VWA3A: variants seen among roughly 807,000 people sequenced by gnomAD.
VWA3A encodes von Willebrand factor A domain-containing protein 3A.
In VWA3A, 134 loss-of-function variants were observed where a neutral mutation model predicts 160.4. The observed-to-expected ratio is 0.84, with a 90% CI of 0.73 to 0.96. VWA3A has a LOEUF of 0.96. Among genes scored for constraint, VWA3A ranks in the 40% least tolerant of loss-of-function variants. The pLI is 0.00. For missense variants in VWA3A, 1,310 were observed against 1,447.9 expected (o/e 0.90, Z 1.55); for synonymous variants, 476 against 543.4 (o/e 0.88, Z 1.72).
intron 27 of VWA3A, among the ~76,000 whole-genome samples, chr16:22,147,048 C>T (rs376045410): frequency 2.0e-5 from 3 of 152,146 alleles, no homozygotes; most frequent in South Asian, 4.1e-4. Flanking sequence ...GTTTTAGAAA[C>T]AGGGTCTTTC....
chr16:22,119,480 G>C (rs560982240), intron 12 of VWA3A, among the ~76,000 whole-genome samples: 1 of 152,172 alleles, frequency 6.6e-6, no homozygotes, highest in Admixed American at 6.5e-5. Context: ...AGACCAGCCT[G>C]AGCAACATGG....
In VWA3A at chr16:22,138,348, A is replaced by G. The variant is rs760526304; in HGVS notation, c.2140-12A>G. On this transcript the variant is annotated splice_polypyrimidine_tract_variant and intron_variant, in intron 21 of 33. Transcript: ENST00000389398. ...GCTGGGGGTGCCACTGACCCTCCCA[A>G]TCCCACTGCAGTGTGCCTTCCTCAT... 9 of 1,574,740 alleles carry G rather than the reference A, an allele frequency of 5.7e-6. 1 individual carries two copies. Among genetic ancestry groups the G allele is most frequent in the Middle Eastern group, 3.3e-4 (2 of 6,010 alleles).
At chr16:22,144,122 A>G in intron 25 of VWA3A, 125 bp from the exon 26 acceptor site, 1 of 1,191,686 alleles carries the variant, frequency 8.4e-7, no homozygotes, top group South Asian at 1.7e-5. Context: ...CTCTGTGAGG[A>G]CCTGGGAATC....
rs2045778746 is a variant in VWA3A at position 22,123,239 on chromosome 16, G to T, written c.1437+74G>T. The T allele has an allele frequency of 4.3e-6, 6 of 1,399,468 alleles. No individual in the cohort carries two copies. In the South Asian group the frequency reaches 7.5e-5, roughly 17 times the overall value. 86.7% of individuals were successfully genotyped at this position (1,399,468 alleles called of 1,614,324 possible). ...ACGGGAGGAAGGTTCCCTGGGCTAT[G>T]AAGTCACCAAGCCATTGACTCAACT... On this transcript the variant is annotated intron_variant, in intron 15 of 33. Transcript: ENST00000389398.
chr16:22,116,628 C>T, intron 9 of VWA3A, 131 bp from the exon 10 acceptor site: 1 of 719,858 alleles, frequency 1.4e-6, no homozygotes, highest in South Asian at 1.7e-5. Context: ...CTGCATGCCA[C>T]ATAGGTGACC....
At chr16:22,137,117 A>G (rs2046059456) in intron 21 of VWA3A, among the ~76,000 whole-genome samples, 2 of 152,080 alleles carry the variant, frequency 1.3e-5, no homozygotes, top group Admixed American at 1.3e-4. Flanking sequence ...GTAAATAAAT[A>G]AATATCCCTT....
At chr16:22,117,054 C>T in intron 10 of VWA3A, 57 bp from the exon 11 acceptor site, 1 of 1,535,976 alleles carries the variant, frequency 6.5e-7, no homozygotes, top group Non-Finnish European at 8.8e-7. Flanking sequence ...AAGGAGAAGG[C>T]TTACTGGAGT....
At position 22,097,933 on chromosome 16, in the gene VWA3A, G is replaced by C. The variant is rs1272424184; in HGVS notation, c.225+238G>C. Among the ~76,000 whole-genome samples, 4 of 152,234 alleles carry C rather than the reference G, an allele frequency of 2.6e-5. No individual in the cohort carries two copies. In the East Asian group the frequency reaches 7.7e-4, roughly 29 times the overall value. ...CACTAAATATTCAGGAGCATGTGAAGACTCTGATCATGTTATCAAGGCCTG... is the reference window on the plus strand; with the variant it reads ...CACTAAATATTCAGGAGCATGTGAACACTCTGATCATGTTATCAAGGCCTG... On this transcript the variant is annotated intron_variant, in intron 3 of 33. Transcript: ENST00000389398.
rs761536268 is a variant in VWA3A, at chr16:22,110,897, G to A, written c.592G>A (p.Asp198Asn). 52 of 1,606,694 alleles carry A rather than the reference G, an allele frequency of 3.2e-5. No homozygotes were observed. The Middle Eastern group carries it at 6.1e-3, about 189-fold the overall frequency. Residue 198 changes from aspartate to asparagine, a missense_variant, in exon 8 of 34, where the codon GAT becomes AAT. Physicochemically the swap from Asp to Asn is conservative, Grantham distance 23. Coordinates refer to ENST00000389398, the MANE Select transcript of VWA3A (RefSeq NM_173615.5). ...TCCTTTTGTCCAACAGAGCCTCATC[G>A]ATGAGCAGCTGAGCCACAAGGAGAA... ...EFQKDLMSLI[D>N]EQLSHKEKLF...
intron 17 of VWA3A, among the ~76,000 whole-genome samples, chr16:22,130,390 G>T (rs920688117): frequency 5.3e-5 from 8 of 152,102 alleles, no homozygotes; most frequent in African/African-American, 1.9e-4. Flanking sequence ...GCAGAGGGAA[G>T]TGGAGAGAAG....
chr16:22,150,247 A>G (rs150408807), intron 29 of VWA3A, among the ~76,000 whole-genome samples: 5 of 152,188 alleles, frequency 3.3e-5, no homozygotes, highest in Non-Finnish European at 7.4e-5. Flanking sequence ...ACTAAATACA[A>G]AAGATTAGCC....
chr16:22,140,349 T>A (rs916661678), intron 23 of VWA3A, 105 bp downstream of exon 23: 3 of 1,103,308 alleles, frequency 2.7e-6, no homozygotes, highest in Admixed American at 2.0e-5. Flanking sequence ...AGCTCGTGCC[T>A]ATAATCCCAG....
rs1377074812 is a variant in VWA3A, at chr16:22,100,247, G to A, written c.279G>A (p.Trp93Ter). ...QSSDWEDSEDWLSAHSLKCQK... is the reference protein window; with the variant it reads ...QSSDWEDSED ...CAGATTGGGAGGACTCTGAAGACTG[G>A]CTTTCGGCTCACAGTTTAAAATGTC... is the stretch of plus-strand genomic sequence containing the variant. Residue 93 changes from tryptophan (W) to a stop codon, truncating the protein, a stop_gained, in exon 4 of 34, where the codon TGG becomes TGA. Coordinates refer to ENST00000389398, the MANE Select transcript of VWA3A (RefSeq NM_173615.5). LOFTEE classifies it high-confidence loss of function. 8 of 1,551,200 alleles carry A rather than the reference G, an allele frequency of 5.2e-6. No individual in the cohort carries two copies. The highest frequency in any genetic ancestry group is 7.0e-6 in the Non-Finnish European group (8 of 1,146,972).
At position 22,125,099 on chromosome 16, in the gene VWA3A, C is replaced by T. The variant is rs909560075; in HGVS notation, c.1533-1079C>T. Among the ~76,000 whole-genome samples, 7 of 151,888 alleles carry T rather than the reference C, an allele frequency of 4.6e-5. No individual in the cohort carries two copies. The South Asian group carries it at 1.2e-3, about 27-fold the overall frequency. Reference sequence around the variant, plus strand: ...TCCCTACGAAGACCCCAACCTATGGCGGGCATAGTGGCTCATTCCTGTATT... The same window carrying T: ...TCCCTACGAAGACCCCAACCTATGGTGGGCATAGTGGCTCATTCCTGTATT... On this transcript the variant is annotated intron_variant, in intron 16 of 33. Coordinates refer to ENST00000389398, the MANE Select transcript of VWA3A (RefSeq NM_173615.5).
intron 26 of VWA3A, 65 bp downstream of exon 26, chr16:22,144,449 C>A: frequency 6.3e-7 from 1 of 1,577,418 alleles, no homozygotes; most frequent in East Asian, 2.3e-5. Flanking sequence ...TGGCAGAGAG[C>A]AGTGTAGGGC....
chr16:22,146,054 T>C (rs550146551), intron 26 of VWA3A, among the ~76,000 whole-genome samples, 182 bp from the exon 27 acceptor site: 8 of 152,146 alleles, frequency 5.3e-5, no homozygotes, highest in Non-Finnish European at 8.8e-5. Context: ...TCTCTTGGGC[T>C]CAAGCGATCC....
chr16:22,110,271 T>C (rs985944548), intron 7 of VWA3A, among the ~76,000 whole-genome samples: 2 of 152,138 alleles, frequency 1.3e-5, no homozygotes, highest in African/African-American at 2.4e-5. Context: ...TGCAGCGTGA[T>C]GTGATGTGGA....
Position 22,116,841 on chromosome 16 carries a change from TACA to T in VWA3A, c.899_901del (p.Tyr300_Arg301delinsTer). ...AGACCTCATCATCCACTTCATCACC[TACA>T]GATGCGATGATCAGATGCCCCCTGT... is the stretch of plus-strand genomic sequence containing the variant. On this transcript the variant is annotated stop_gained and inframe_deletion, in exon 10 of 34. Transcript: ENST00000389398. LOFTEE classifies it high-confidence loss of function. 6.2e-7 allele frequency: 1 copy of T among 1,613,234 alleles called. No individual in the cohort carries two copies. The highest frequency in any genetic ancestry group is 8.5e-7 in the Non-Finnish European group (1 of 1,179,748).
rs541691470 is a variant in VWA3A, at chr16:22,100,435, G to A, written c.370G>A (p.Val124Met). Residue 124 changes from valine (V) to methionine (M), a missense_variant, in exon 5 of 34, where the codon GTG becomes ATG. Transcript: ENST00000389398. ...CTTCAGGGAGGAGGGCACCAATGTC[G>A]TGCAGAAAATATGTTTCTCCACCCA... Reference protein sequence around the residue: ...TEVLEEGTNVVQKICFSTQII... With the variant: ...TEVLEEGTNVMQKICFSTQII... The A allele has an allele frequency of 5.1e-5, 79 of 1,551,580 alleles. No individual in the cohort carries two copies. Among genetic ancestry groups the A allele is most frequent in the South Asian group, 4.8e-4 (40 of 84,056 alleles).
Sources: allele counts gnomAD v4.1 joint callset (sites outside exome capture counted in the v4.1 genomes callset), GRCh38; gene constraint gnomAD v4.1.1; transcripts MANE v1.5; gene names NCBI Gene and HGNC (gene_info 2026-07-23, HGNC 2026-07-21).